The following RNF216 variants were observed in gnomAD, a reference collection of about 807,000 sequenced individuals.
RNF216 encodes the protein ring finger protein 216.
Under a neutral mutation model 110.8 loss-of-function variants are expected in RNF216, and 72 were observed. That is an observed-to-expected ratio of 0.65 (90% CI 0.54 to 0.79). The LOEUF (loss-of-function observed/expected upper bound fraction) is 0.79. RNF216 is among the 30% of genes least tolerant of loss of function. The pLI, the probability that RNF216 is intolerant of heterozygous loss-of-function variation, is 0.00. For missense variants in RNF216, 1,342 were observed against 1,141.2 expected (o/e 1.18, Z -2.54); for synonymous variants, 495 against 407.5 (o/e 1.21, Z -2.59).
chr7:5,746,511 A>C (rs530365552), intron 3 of RNF216, among the ~76,000 whole-genome samples: 1 of 152,046 alleles, frequency 6.6e-6, no homozygotes, highest in Non-Finnish European at 1.5e-5. Context: ...AGGCTTTTGG[A>C]ATCTGTGGGT....
At chr7:5,683,877 T>C (rs571127264) in intron 13 of RNF216, among the ~76,000 whole-genome samples, 47 of 152,174 alleles carry the variant, frequency 3.1e-4, no homozygotes, top group Non-Finnish European at 5.1e-4. Context: ...AGAAAAAAGA[T>C]AAACACCACA....
chr7:5,664,419 G>C (rs1038611610), intron 13 of RNF216, among the ~76,000 whole-genome samples: 2 of 152,146 alleles, frequency 1.3e-5, no homozygotes, highest in Non-Finnish European at 2.9e-5. Flanking sequence ...AGCAGCTAAT[G>C]ACCAAATGCT....
chr7:5,648,770 A>G (rs1221641467), intron 14 of RNF216, among the ~76,000 whole-genome samples: 1 of 151,912 alleles, frequency 6.6e-6, no homozygotes, highest in Non-Finnish European at 1.5e-5. Context: ...CGCAGGGGAC[A>G]GAAGAACAAG....
At position 5,730,786 on chromosome 7, in the gene RNF216, A is replaced by C. The variant is rs1794041697; in HGVS notation, c.1153T>G (p.Tyr385Asp). 1 of 1,606,750 alleles carries C rather than the reference A, an allele frequency of 6.2e-7. No individual in the cohort carries two copies. Among genetic ancestry groups the C allele is most frequent in the South Asian group, 1.1e-5 (1 of 90,512 alleles). Residue 385 changes from tyrosine (Y) to aspartate (D), a missense_variant, in exon 6 of 17, where the codon TAT becomes GAT. Coordinates refer to ENST00000389902, the MANE Select transcript of RNF216 (RefSeq NM_207111.4). ...LCNFLLENPD[Y>D]PKREDRIIIN... The stretch of plus-strand genomic sequence containing the variant: ...ATGATTCTGTCTTCTCTCTTTGGAT[A>C]ATCTGGGTTTTCCAGAAGAAAATTA...
intron 14 of RNF216, among the ~76,000 whole-genome samples, chr7:5,646,674 A>G (rs537632367): frequency 1.3e-5 from 2 of 151,838 alleles, no homozygotes; most frequent in African/African-American, 2.4e-5. Context: ...GCCTGGCGAC[A>G]GAGCGAGACT....
chr7:5,656,011 G>A (rs1475305760), intron 13 of RNF216, among the ~76,000 whole-genome samples: 1 of 152,082 alleles, frequency 6.6e-6, no homozygotes, highest in Non-Finnish European at 1.5e-5. Context: ...GATCATGCCT[G>A]TAATCCCAGC....
rs548626718 is a variant in RNF216 at position 5,778,094 on chromosome 7, C to A, written c.-70+3447G>T. On this transcript the variant is annotated intron_variant, in intron 1 of 16. Coordinates refer to ENST00000389902, the MANE Select transcript of RNF216 (RefSeq NM_207111.4). The stretch of plus-strand genomic sequence containing the variant: ...TTTTCATACGGCATTTGAGTTATTT[C>A]TTTTAAACCACAAATCTCACCATGG... 5.3e-5 allele frequency among the ~76,000 whole-genome samples: 8 copies of A among 152,292 alleles called. No homozygotes were observed. In the East Asian group the frequency reaches 1.5e-3, roughly 29 times the overall value.
At chr7:5,738,859 A>G (rs1794590942) in intron 5 of RNF216, among the ~76,000 whole-genome samples, 1 of 152,216 alleles carries the variant, frequency 6.6e-6, no homozygotes, top group South Asian at 2.1e-4. Flanking sequence ...CTCAGTTATC[A>G]TAATTCTATA....
rs1279072810 is a variant in RNF216 at position 5,737,247 on chromosome 7, T to C, written c.1121+2029A>G. The stretch of plus-strand genomic sequence containing the variant: ...CCCCAACCCAGTGCTCTCTGAAACA[T>C]GTGCTGTGTCCACTCAGGGTTAAAT... On this transcript the variant is annotated intron_variant, in intron 5 of 16. Coordinates refer to ENST00000389902, the MANE Select transcript of RNF216 (RefSeq NM_207111.4). Among the ~76,000 whole-genome samples, 7 of 152,186 alleles carry C rather than the reference T, an allele frequency of 4.6e-5. No homozygotes were observed. The East Asian group carries it at 5.8e-4, about 13-fold the overall frequency.
chr7:5,732,660 T>C (rs1794160688), intron 5 of RNF216, among the ~76,000 whole-genome samples: 1 of 152,244 alleles, frequency 6.6e-6, no homozygotes, highest in Admixed American at 6.5e-5. Flanking sequence ...TAAGTGACAT[T>C]TGGAGGCACA....
intron 6 of RNF216, among the ~76,000 whole-genome samples, chr7:5,729,901 G>A (rs1584526820): frequency 6.6e-6 from 1 of 152,000 alleles, no homozygotes; most frequent in South Asian, 2.1e-4. Context: ...TACAGAATAC[G>A]TAAGAGAGAC....
chr7:5,736,124 TC>T (rs1794382618), intron 5 of RNF216, among the ~76,000 whole-genome samples: 1 of 7,522 alleles, frequency 1.3e-4, no homozygotes, highest in South Asian at 0.01. Context: ...CCTCTCCCTG[TC>T]CCTGTCCCTG....
chr7:5,745,854 C>T (rs1051640432), intron 3 of RNF216, among the ~76,000 whole-genome samples: 6 of 148,694 alleles, frequency 4.0e-5, no homozygotes, highest in Admixed American at 3.4e-4. Flanking sequence ...CGAGATCAGG[C>T]CACTGCACTC....
rs114446728 is a variant in RNF216, at chr7:5,741,732, C to T, written c.285G>A (p.Arg95=). ...CAAATGCTGCTCTAGACTTTTTAGG[C>T]CTTTCTTCTCCCAACCTTTTCAGAT... ...WQDLKRLGEE[R]PKKSRAAFES... The change falls in exon 4 of 17, where the codon AGG becomes AGA. Residue 95 remains arginine, a synonymous_variant. Coordinates refer to ENST00000389902, the MANE Select transcript of RNF216 (RefSeq NM_207111.4). 4 of 1,614,132 alleles carry T rather than the reference C, an allele frequency of 2.5e-6. No individual in the cohort carries two copies. The highest frequency in any genetic ancestry group is 2.7e-5 in the African/African-American group (2 of 75,022).
intron 13 of RNF216, among the ~76,000 whole-genome samples, chr7:5,671,996 A>G (rs142595961): frequency 5.3e-5 from 8 of 152,296 alleles, no homozygotes; most frequent in Non-Finnish European, 1.2e-4. Flanking sequence ...GACAGCATAT[A>G]TAAGCCCCTA....
At chr7:5,712,403 G>A (rs187504278) in intron 12 of RNF216, among the ~76,000 whole-genome samples, 25 of 152,024 alleles carry the variant, frequency 1.6e-4, no homozygotes, top group Admixed American at 7.2e-4. Flanking sequence ...AACTCAGGAG[G>A]CGGAGGTTGT....
Position 5,741,699 on chromosome 7 carries a change from A to G in RNF216, c.318T>C (p.Asp106=), listed in dbSNP as rs770024795. The change falls in exon 4 of 17, where the codon GAT becomes GAC. Residue 106 remains aspartate (D), a synonymous_variant. Coordinates refer to ENST00000389902, the MANE Select transcript of RNF216 (RefSeq NM_207111.4). ...PKKSRAAFES[D]KSSYFSVCNN... ...TACACACTGAAAAATAGCTGCTCTT[A>G]TCTGATTCAAATGCTGCTCTAGACT... 7 of 1,614,194 alleles carry G rather than the reference A, an allele frequency of 4.3e-6. No homozygotes were observed. Among genetic ancestry groups the G allele is most frequent in the South Asian group, 2.2e-5 (2 of 91,084 alleles).
intron 10 of RNF216, among the ~76,000 whole-genome samples, chr7:5,715,428 C>T (rs1248835832): frequency 6.6e-6 from 1 of 151,966 alleles, no homozygotes; most frequent in East Asian, 1.9e-4. Flanking sequence ...TTCTGGTATT[C>T]TTTAGAGTAA....
intron 13 of RNF216, among the ~76,000 whole-genome samples, chr7:5,706,178 C>T (rs574549160): frequency 6.7e-6 from 1 of 149,824 alleles, no homozygotes; most frequent in East Asian, 2.0e-4. Flanking sequence ...TGAGATTGCA[C>T]CACTGCACTC....
Sources: gnomAD v4.1 joint callset for allele counts (sites outside exome capture counted in the v4.1 genomes callset) on GRCh38, gnomAD v4.1.1 for gene constraint, MANE v1.5 for transcripts, NCBI Gene and HGNC (gene_info 2026-07-23, HGNC 2026-07-21) for gene names.